Variants in ROBO1 observed in about 807,000 individuals in gnomAD.
ROBO1 encodes the protein roundabout homolog 1.
ROBO1 carries 149 observed loss-of-function variants against 195.9 expected under a neutral mutation model. The ratio of observed to expected loss-of-function variants is 0.76; its 90% CI spans 0.67 to 0.87. ROBO1 has a LOEUF of 0.87. ROBO1 is among the 40% of genes least tolerant of loss of function. The pLI is 0.00. For synonymous variants in ROBO1, 816 were observed against 733.2 expected (o/e 1.11, Z -1.82); for missense variants, 1,933 against 2,068.3 (o/e 0.93, Z 1.27).
Position 78,627,585 on chromosome 3 carries a change from A to T in ROBO1, c.3627-16T>A. ...TTGGTCATAGCTAAAATAAATGATA[A>T]GGATGTGTAGACTTACTTCAGGTTA... On this transcript the variant is annotated splice_polypyrimidine_tract_variant and intron_variant, in intron 25 of 30. Coordinates refer to ENST00000464233, the MANE Select transcript of ROBO1 (RefSeq NM_002941.4). The T allele has an allele frequency of 2.5e-6, 4 of 1,596,722 alleles. No homozygotes were observed. The highest frequency in any genetic ancestry group is 3.4e-6 in the Non-Finnish European group (4 of 1,170,822).
At chr3:78,961,925 A>ATGTTTTT (rs558783706) in intron 3 of ROBO1, among the ~76,000 whole-genome samples, 2 of 151,088 alleles carry the variant, frequency 1.3e-5, no homozygotes, top group African/African-American at 2.4e-5. Flanking sequence ...TTCTAGGCCC[A>ATGTTTTT]TGTTTTTTGT....
intron 4 of ROBO1, among the ~76,000 whole-genome samples, chr3:78,937,110 C>T (rs1336523001): frequency 1.3e-5 from 2 of 152,154 alleles, no homozygotes; most frequent in Admixed American, 6.5e-5. Context: ...ATATTTTACA[C>T]TCATATCAGA....
intron 4 of ROBO1, among the ~76,000 whole-genome samples, chr3:78,889,823 G>C (rs2036785228): frequency 6.6e-6 from 1 of 151,482 alleles, no homozygotes; most frequent in African/African-American, 2.4e-5. Flanking sequence ...AAAGACACTA[G>C]ACTGGAAGAA....
intron 2 of ROBO1, among the ~76,000 whole-genome samples, chr3:79,398,573 CTG>C (rs2037238896): frequency 6.6e-6 from 1 of 152,062 alleles, no homozygotes; most frequent in Non-Finnish European, 1.5e-5. Flanking sequence ...CTATAAAAAA[CTG>C]GAATTAGCTT....
chr3:79,757,261 T>C (rs879099167), intron 1 of ROBO1, among the ~76,000 whole-genome samples: 2 of 152,328 alleles, frequency 1.3e-5, no homozygotes, highest in Admixed American at 1.3e-4. Context: ...CCTGTACCAC[T>C]TCACGTTTCC....
intron 4 of ROBO1, among the ~76,000 whole-genome samples, chr3:78,771,876 T>C (rs558484922): frequency 6.6e-6 from 1 of 152,292 alleles, no homozygotes; most frequent in South Asian, 2.1e-4. Context: ...GGATGCCTTT[T>C]ATTCCTTTCT....
chr3:79,009,214 A>C (rs1365985810), intron 3 of ROBO1, among the ~76,000 whole-genome samples: 1 of 150,152 alleles, frequency 6.7e-6, no homozygotes, highest in Non-Finnish European at 1.5e-5. Flanking sequence ...TCAGCCTCCC[A>C]AAGTGCTGGG....
At chr3:79,757,395 A>G (rs1704461497) in intron 1 of ROBO1, among the ~76,000 whole-genome samples, 1 of 152,132 alleles carries the variant, frequency 6.6e-6, no homozygotes, top group African/African-American at 2.4e-5. Flanking sequence ...AGTGTCTCAA[A>G]TGAGGACAGA....
chr3:78,688,542 T>G, intron 9 of ROBO1, 106 bp downstream of exon 9: 1 of 1,221,688 alleles, frequency 8.2e-7, no homozygotes. Flanking sequence ...GCCAGTTCTC[T>G]TAATGTGACA....
chr3:79,252,661 A>T (rs1277043073), intron 2 of ROBO1, among the ~76,000 whole-genome samples: 1 of 152,180 alleles, frequency 6.6e-6, no homozygotes, highest in Non-Finnish European at 1.5e-5. Context: ...GCCAGCATTT[A>T]TTCAGTAATC....
intron 4 of ROBO1, among the ~76,000 whole-genome samples, chr3:78,889,958 G>A (rs1217094502): frequency 1.3e-5 from 2 of 151,876 alleles, no homozygotes; most frequent in African/African-American, 2.4e-5. Context: ...CTCTCTCAGC[G>A]AGGCCTGCCC....
At chr3:79,269,036 A>G (rs1576900660) in intron 2 of ROBO1, among the ~76,000 whole-genome samples, 1 of 151,662 alleles carries the variant, frequency 6.6e-6, no homozygotes, top group Non-Finnish European at 1.5e-5. Flanking sequence ...AGAGGGTTGC[A>G]TTTGTTCAAT....
rs1299875753 is a variant in ROBO1, at chr3:78,898,392, T to TG, written c.499+40208_499+40209insC. Among the ~76,000 whole-genome samples, 345 of 137,482 alleles carry TG rather than the reference T, an allele frequency of 2.5e-3. 4 individuals carry two copies. Among genetic ancestry groups the TG allele is most frequent in the African/African-American group, 8.6e-3 (316 of 36,576 alleles). 90.2% of individuals were successfully genotyped at this position (137,482 alleles called of 152,430 possible). A position where few individuals can be genotyped will look rare whatever the true frequency, so the allele number is the denominator to read the frequency against. On this transcript the variant is annotated intron_variant, in intron 4 of 30. Coordinates refer to ENST00000464233, the MANE Select transcript of ROBO1 (RefSeq NM_002941.4). ...ATAGATAGATAGGGTTTTTTTTTTT[T>TG]TTTTTTTTTTTTTGAGACGGAGTCT...
At chr3:79,744,172 T>C (rs1012676147) in intron 1 of ROBO1, among the ~76,000 whole-genome samples, 1 of 152,208 alleles carries the variant, frequency 6.6e-6, no homozygotes, top group African/African-American at 2.4e-5. Context: ...AGCATTACAA[T>C]GGCTATAACT....
chr3:78,697,002 T>C (rs1044275566), intron 8 of ROBO1, among the ~76,000 whole-genome samples: 1 of 150,914 alleles, frequency 6.6e-6, no homozygotes, highest in Non-Finnish European at 1.5e-5. Context: ...ATCAAAACAG[T>C]ATATTTTGAC....
At chr3:79,107,089 T>C (rs906573199) in intron 3 of ROBO1, among the ~76,000 whole-genome samples, 1 of 149,302 alleles carries the variant, frequency 6.7e-6, no homozygotes, top group African/African-American at 2.5e-5. Context: ...GAAAACTGCT[T>C]ATCTATACCT....
intron 2 of ROBO1, among the ~76,000 whole-genome samples, chr3:79,501,259 T>C (rs1238639343): frequency 6.6e-6 from 1 of 152,214 alleles, no homozygotes; most frequent in Middle Eastern, 3.2e-3. Flanking sequence ...CTAGCCAATG[T>C]TTGCCTACCT....
intron 4 of ROBO1, among the ~76,000 whole-genome samples, chr3:78,833,395 G>A (rs1281807012): frequency 1.3e-5 from 2 of 152,090 alleles, no homozygotes; most frequent in East Asian, 1.9e-4. Flanking sequence ...AAAAAATACT[G>A]AAGAAAAAGA....
intron 2 of ROBO1, among the ~76,000 whole-genome samples, chr3:79,548,152 T>A: frequency 6.6e-6 from 1 of 152,230 alleles, no homozygotes; most frequent in East Asian, 1.9e-4. Context: ...TGTTAGGAGA[T>A]AGTAGCAGGT....
Sources: gnomAD v4.1 joint callset for allele counts (sites outside exome capture counted in the v4.1 genomes callset) on GRCh38, gnomAD v4.1.1 for gene constraint, MANE v1.5 for transcripts, NCBI Gene and HGNC (gene_info 2026-07-23, HGNC 2026-07-21) for gene names.